The following ADCY8 variants were observed in gnomAD, a reference collection of about 807,000 sequenced individuals.
ADCY8 encodes adenylate cyclase 8, also known as adenylate cyclase type 8.
Under a neutral mutation model 119.7 loss-of-function variants are expected in ADCY8, and 51 were observed. That is an observed-to-expected ratio of 0.43 (90% CI 0.34 to 0.54). The LOEUF (loss-of-function observed/expected upper bound fraction) is 0.54, where lower values mean the gene tolerates loss of function less well. Among genes scored for constraint, ADCY8 ranks in the 20% least tolerant of loss-of-function variants. ADCY8 has a pLI of 0.03. For missense variants in ADCY8, 1,383 were observed against 1,598.8 expected (o/e 0.87, Z 2.30); for synonymous variants, 665 against 651.0 (o/e 1.02, Z -0.33).
chr8:130,884,900 G>A (rs1818921323), intron 7 of ADCY8, 139 bp from the exon 8 acceptor site: 3 of 870,840 alleles, frequency 3.4e-6, no homozygotes, highest in Non-Finnish European at 5.6e-6. Flanking sequence ...ACCTACAGAA[G>A]TTGATCTGAT....
intron 5 of ADCY8, among the ~76,000 whole-genome samples, chr8:130,936,701 A>C (rs543957570): frequency 6.6e-6 from 1 of 152,298 alleles, no homozygotes; most frequent in East Asian, 1.9e-4. Context: ...GATTTGATTT[A>C]TCACAAAGCT....
chr8:130,828,924 A>C (rs569003807), intron 12 of ADCY8, among the ~76,000 whole-genome samples: 1 of 152,314 alleles, frequency 6.6e-6, no homozygotes, highest in Admixed American at 6.5e-5. Context: ...CACTTCCTTT[A>C]TAAAGGAGGG....
At chr8:130,987,195 G>T (rs1822427526) in intron 2 of ADCY8, among the ~76,000 whole-genome samples, 1 of 152,020 alleles carries the variant, frequency 6.6e-6, no homozygotes, top group African/African-American at 2.4e-5. Context: ...GCTCTTTATG[G>T]TGTACCCTTT....
intron 13 of ADCY8, among the ~76,000 whole-genome samples, chr8:130,821,037 A>G (rs1816492366): frequency 6.6e-6 from 1 of 152,212 alleles, no homozygotes; most frequent in African/African-American, 2.4e-5. Context: ...TGTAGTAGTA[A>G]TAATTTCATC....
intron 14 of ADCY8, among the ~76,000 whole-genome samples, chr8:130,805,064 G>GTTTTTTGTTTTTTTTTTTTTTTTTTT (rs1815903638): frequency 6.6e-6 from 1 of 152,024 alleles, no homozygotes; most frequent in African/African-American, 2.4e-5. Flanking sequence ...CTTTTCCTTA[G>GTTTTTTGTTTTTTTTTTTTTTTTTTT]TTTTATTTCT....
At chr8:130,796,274 T>G (rs759789527) in intron 15 of ADCY8, among the ~76,000 whole-genome samples, 1 of 152,216 alleles carries the variant, frequency 6.6e-6, no homozygotes, top group Non-Finnish European at 1.5e-5. Flanking sequence ...GCAGATTTAT[T>G]TACTCTATAG....
intron 8 of ADCY8, among the ~76,000 whole-genome samples, chr8:130,880,954 G>A (rs775983081): frequency 3.3e-5 from 5 of 152,210 alleles, no homozygotes; most frequent in Non-Finnish European, 7.3e-5. Flanking sequence ...AAGGACTAGA[G>A]AAGGAAAGAT....
At chr8:130,984,562 G>A (rs901513165) in intron 2 of ADCY8, among the ~76,000 whole-genome samples, 2 of 151,976 alleles carry the variant, frequency 1.3e-5, no homozygotes, top group African/African-American at 4.8e-5. Context: ...GAATGTTAAG[G>A]TGAGTGACTA....
Position 130,805,487 on chromosome 8 carries a change from A to G in ADCY8, c.2914-4915T>C, listed in dbSNP as rs117222424. On this transcript the variant is annotated intron_variant, in intron 14 of 17. Transcript: ENST00000286355. ...AGTGGAGGGGTAAGAAAGAGCTTGAAGAAATATGACCTGAGTTCAGATCTT... is the reference window on the plus strand; with the variant it reads ...AGTGGAGGGGTAAGAAAGAGCTTGAGGAAATATGACCTGAGTTCAGATCTT... Among the ~76,000 whole-genome samples the G allele has an allele frequency of 1.3e-4, 20 of 152,364 alleles. No individual in the cohort carries two copies. In the East Asian group the frequency reaches 3.5e-3, roughly 26 times the overall value.
intron 5 of ADCY8, among the ~76,000 whole-genome samples, chr8:130,929,974 A>G (rs549094379): frequency 6.6e-6 from 1 of 151,856 alleles, no homozygotes; most frequent in African/African-American, 2.4e-5. Context: ...TTTGTTTTTT[A>G]TTTGCAGGTA....
At chr8:131,028,830 G>A (rs1033292424) in intron 1 of ADCY8, among the ~76,000 whole-genome samples, 16 of 152,160 alleles carry the variant, frequency 1.1e-4, no homozygotes, top group African/African-American at 3.1e-4. Context: ...CCAGCCCCTC[G>A]GGTATGGAGT....
At chr8:130,792,530 C>T (rs146385608) in intron 15 of ADCY8, among the ~76,000 whole-genome samples, 3 of 152,310 alleles carry the variant, frequency 2.0e-5, no homozygotes, top group East Asian at 3.9e-4. Flanking sequence ...TGTTCCTCCT[C>T]ATCGACCCCC....
intron 5 of ADCY8, among the ~76,000 whole-genome samples, chr8:130,922,044 G>C (rs975100991): frequency 6.6e-6 from 1 of 152,044 alleles, no homozygotes; most frequent in Non-Finnish European, 1.5e-5. Context: ...GAGAGGAAGA[G>C]GCTTGAGCCA....
At chr8:130,968,423 G>A (rs540714061) in intron 2 of ADCY8, among the ~76,000 whole-genome samples, 16 of 152,132 alleles carry the variant, frequency 1.1e-4, no homozygotes, top group Non-Finnish European at 1.9e-4. Context: ...TGCCTGCCTC[G>A]GCCTCCCAAA....
Position 130,879,065 on chromosome 8 carries a change from A to G in ADCY8, c.2109+5499T>C, listed in dbSNP as rs948452144. Among the ~76,000 whole-genome samples, 11 of 152,156 alleles carry G rather than the reference A, an allele frequency of 7.2e-5. No homozygotes were observed. The East Asian group carries it at 7.7e-4, about 11-fold the overall frequency. ...TGTTATTAAGCTCTCTTAAGATGCT[A>G]AAGTTTTGGGTTGGCTACTCTGGCT... On this transcript the variant is annotated intron_variant, in intron 8 of 17. Transcript: ENST00000286355.
chr8:130,901,065 C>G (rs1819583104), intron 7 of ADCY8, among the ~76,000 whole-genome samples: 1 of 152,190 alleles, frequency 6.6e-6, no homozygotes, highest in African/African-American at 2.4e-5. Context: ...CTACCCATAT[C>G]TATCATTTAA....
At chr8:130,975,777 A>G (rs1822053529) in intron 2 of ADCY8, among the ~76,000 whole-genome samples, 1 of 152,156 alleles carries the variant, frequency 6.6e-6, no homozygotes, top group South Asian at 2.1e-4. Context: ...TAAGTTGTCT[A>G]TAAATACAGT....
chr8:130,806,967 G>GT (rs1396697637), intron 14 of ADCY8, among the ~76,000 whole-genome samples: 1 of 152,190 alleles, frequency 6.6e-6, no homozygotes, highest in Non-Finnish European at 1.5e-5. Context: ...ACAGCCTTGA[G>GT]TGTGCCATCT....
At chr8:130,945,868 T>C (rs981988922) in intron 3 of ADCY8, among the ~76,000 whole-genome samples, 1 of 152,228 alleles carries the variant, frequency 6.6e-6, no homozygotes, top group Non-Finnish European at 1.5e-5. Context: ...ATTTATTCCA[T>C]GTAACTTATG....
Sources: allele counts gnomAD v4.1 joint callset (sites outside exome capture counted in the v4.1 genomes callset), GRCh38; gene constraint gnomAD v4.1.1; transcripts MANE v1.5; gene names NCBI Gene and HGNC (gene_info 2026-07-23, HGNC 2026-07-21).